The following PTPN21 variants were observed in gnomAD, a reference collection of about 807,000 sequenced individuals.
PTPN21 encodes the protein tyrosine-protein phosphatase non-receptor type 21.
PTPN21 carries 77 observed loss-of-function variants against 131.8 expected under a neutral mutation model. The ratio of observed to expected loss-of-function variants is 0.58; its 90% CI spans 0.49 to 0.71. The LOEUF (loss-of-function observed/expected upper bound fraction) is 0.71, where lower values mean the gene tolerates loss of function less well. Among genes scored for constraint, PTPN21 ranks in the 30% least tolerant of loss-of-function variants. The probability of loss-of-function intolerance (pLI) is 0.00; values close to 1 mark genes in which losing one functional copy is unlikely to be tolerated. For synonymous variants in PTPN21, 715 were observed against 621.3 expected (o/e 1.15, Z -2.24); for missense variants, 1,552 against 1,527.1 (o/e 1.02, Z -0.27).
rs2077357336 is a variant in PTPN21 at position 88,466,044 on chromosome 14, A to G, written c.*2093T>C. 6.6e-6 allele frequency: 1 copy of G among 152,062 alleles called. No homozygotes were observed. The highest frequency in any genetic ancestry group is 2.1e-4 in the South Asian group (1 of 4,802). 9.4% of individuals were successfully genotyped at this position (152,062 alleles called of 1,614,324 possible). A position where few individuals can be genotyped will look rare whatever the true frequency, so the allele number is the denominator to read the frequency against. ...AACTGTTTGTTTAAACCTGACAGAA[A>G]AGCATTTTCACAAAAACGTACCATG... On this transcript the variant is annotated 3_prime_UTR_variant, in exon 19 of 19. Transcript: ENST00000556564.
rs764760741 is a variant in PTPN21 at position 88,479,529 on chromosome 14, T to A, written c.1902A>T (p.Lys634Asn). ...LTAARHAQLH[K>N]RNSIEVAGLS... Reference sequence around the variant, plus strand: ...GCCCGGCCACCTCGATGCTGTTCCGTTTGTGCAGCTGCGCGTGGCGCGCGG... The same window carrying A: ...GCCCGGCCACCTCGATGCTGTTCCGATTGTGCAGCTGCGCGTGGCGCGCGG... Residue 634 changes from lysine (K) to asparagine (N), a missense_variant, in exon 13 of 19, where the codon AAA becomes AAT. By Grantham distance (94) the Lys-to-Asn change is moderately conservative. Around this residue, in one of 4 missense-constraint regions of PTPN21, gnomAD observed 1,016 missense variants for 883.5 expected, o/e 1.15. Transcript: ENST00000556564. The A allele has an allele frequency of 6.2e-7, 1 of 1,600,420 alleles. No homozygotes were observed.
chr14:88,523,716 G>GACACACACAC (rs71126989), intron 2 of PTPN21, among the ~76,000 whole-genome samples: 10 of 144,546 alleles, frequency 6.9e-5, no homozygotes, highest in South Asian at 4.6e-4. Flanking sequence ...CCCCAACCGT[G>GACACACACAC]ACACACACAC....
At chr14:88,521,455 T>C (rs1024468578) in intron 2 of PTPN21, among the ~76,000 whole-genome samples, 1 of 151,672 alleles carries the variant, frequency 6.6e-6, no homozygotes, top group Admixed American at 6.6e-5. Flanking sequence ...CAGGCTAGAG[T>C]GCAATGGTGT....
intron 2 of PTPN21, among the ~76,000 whole-genome samples, chr14:88,524,290 T>C (rs938921657): frequency 6.6e-6 from 1 of 152,010 alleles, no homozygotes; most frequent in Non-Finnish European, 1.5e-5. Context: ...TATAGACAAA[T>C]AGAATAGAGA....
At chr14:88,478,008 A>G (rs2077573977) in intron 13 of PTPN21, among the ~76,000 whole-genome samples, 1 of 152,228 alleles carries the variant, frequency 6.6e-6, no homozygotes, top group African/African-American at 2.4e-5. Flanking sequence ...GCTTCTAAGT[A>G]TGGGTTTAAA....
Position 88,535,491 on chromosome 14 carries a change from T to C in PTPN21, c.180+14747A>G, listed in dbSNP as rs1302320828. ...GCTCTGGAATGTCTCACTTCCTCAC[T>C]GAGTCTGTTTCTTAATAGGGAATTT... is the stretch of plus-strand genomic sequence containing the variant. On this transcript the variant is annotated intron_variant, in intron 2 of 18. Coordinates refer to ENST00000556564, the MANE Select transcript of PTPN21 (RefSeq NM_007039.4). Among the ~76,000 whole-genome samples the C allele has an allele frequency of 2.0e-5, 3 of 152,324 alleles. No homozygotes were observed. The East Asian group carries it at 5.8e-4, about 29-fold the overall frequency.
At chr14:88,531,809 AAAAC>A (rs1389426519) in intron 2 of PTPN21, among the ~76,000 whole-genome samples, 6 of 152,090 alleles carry the variant, frequency 3.9e-5, no homozygotes, top group African/African-American at 1.4e-4. Context: ...AAACAAAACA[AAAAC>A]AAAAAGCTGG....
intron 2 of PTPN21, among the ~76,000 whole-genome samples, chr14:88,526,656 ATTTT>A (rs2078482845): frequency 6.6e-6 from 1 of 151,342 alleles, no homozygotes; most frequent in Admixed American, 6.6e-5. Flanking sequence ...AAAGTAAATA[ATTTT>A]ATTTTTATTA....
intron 3 of PTPN21, among the ~76,000 whole-genome samples, chr14:88,510,471 G>C (rs947476595): frequency 2.6e-5 from 4 of 152,226 alleles, no homozygotes; most frequent in African/African-American, 9.6e-5. Flanking sequence ...GAGCCAGACT[G>C]AGCTGGAGTT....
At chr14:88,481,958 CAG>C (rs2077658346) in intron 12 of PTPN21, among the ~76,000 whole-genome samples, 1 of 152,204 alleles carries the variant, frequency 6.6e-6, no homozygotes, top group South Asian at 2.1e-4. Flanking sequence ...AACAACATTC[CAG>C]AGAGAAGAGC....
At chr14:88,480,636 T>C (rs141785334) in intron 12 of PTPN21, among the ~76,000 whole-genome samples, 60 of 152,184 alleles carry the variant, frequency 3.9e-4, no homozygotes, top group Non-Finnish European at 7.8e-4. Flanking sequence ...AGCAGACTTT[T>C]TGGAACTCTG....
chr14:88,478,812 A>T (rs2077584410), intron 13 of PTPN21, 108 bp downstream of exon 13: 1 of 628,126 alleles, frequency 1.6e-6, no homozygotes, highest in Admixed American at 3.2e-5. Context: ...GGAATGAAGA[A>T]CGTTAAAAGA....
intron 10 of PTPN21, among the ~76,000 whole-genome samples, chr14:88,495,732 G>C (rs1173164668): frequency 1.3e-5 from 2 of 152,226 alleles, no homozygotes; most frequent in Non-Finnish European, 2.9e-5. Context: ...GGCAGCCGAA[G>C]AAGAGCAGGA....
At chr14:88,531,025 C>A (rs962268160) in intron 2 of PTPN21, among the ~76,000 whole-genome samples, 12 of 151,982 alleles carry the variant, frequency 7.9e-5, no homozygotes, top group Non-Finnish European at 1.6e-4. Flanking sequence ...CCAAGATAGA[C>A]CATATGATAG....
intron 2 of PTPN21, among the ~76,000 whole-genome samples, chr14:88,529,728 TC>T (rs991131258): frequency 6.6e-6 from 1 of 152,144 alleles, no homozygotes; most frequent in Admixed American, 6.5e-5. Context: ...ACTCCTGTAA[TC>T]CCAGCACTTT....
intron 10 of PTPN21, among the ~76,000 whole-genome samples, chr14:88,491,602 A>G (rs1301675715): frequency 1.3e-5 from 2 of 152,226 alleles, no homozygotes; most frequent in Non-Finnish European, 2.9e-5. Flanking sequence ...ATAACAATTA[A>G]AGTTCTTTTC....
At position 88,485,070 on chromosome 14, in the gene PTPN21, C is replaced by G. The variant is rs748864583; in HGVS notation, c.1078+6G>C. 1.9e-6 allele frequency: 3 copies of G among 1,570,786 alleles called. No homozygotes were observed. Among genetic ancestry groups the G allele is most frequent in the African/African-American group, 1.4e-5 (1 of 73,984 alleles). On this transcript the variant is annotated splice_donor_region_variant and intron_variant, in intron 12 of 18. Transcript: ENST00000556564. ...TGTAAGGCATGGCAGAAACAGTGTA[C>G]TTTACCTTGGGAAGAAGCATATGGT...
chr14:88,546,055 A>C (rs2078775112), intron 2 of PTPN21, among the ~76,000 whole-genome samples: 1 of 152,046 alleles, frequency 6.6e-6, no homozygotes, highest in Admixed American at 6.5e-5. Flanking sequence ...TGAATTTAAA[A>C]GAAAGTTAGC....
intron 14 of PTPN21, among the ~76,000 whole-genome samples, chr14:88,472,809 G>A (rs961053476): frequency 3.9e-5 from 6 of 152,090 alleles, no homozygotes; most frequent in Non-Finnish European, 2.9e-5. Context: ...GGTTGAGGCT[G>A]CAGTGAACCA....
Sources: allele counts gnomAD v4.1 joint callset (sites outside exome capture counted in the v4.1 genomes callset), GRCh38; gene constraint gnomAD v4.1.1; regional missense constraint gnomAD v4.1.1; transcripts MANE v1.5; gene names NCBI Gene and HGNC (gene_info 2026-07-23, HGNC 2026-07-21).